The following NXPE4 variants were observed in gnomAD, a reference collection of about 807,000 sequenced individuals.
NXPE4 encodes the protein NXPE family member 4.
Under a neutral mutation model 33.3 loss-of-function variants are expected in NXPE4, and 42 were observed. The ratio of observed to expected loss-of-function variants is 1.26; its 90% CI spans 0.98 to 1.63. The LOEUF is 1.63. NXPE4 is among the 40% of genes most tolerant of loss of function. The pLI is 0.00. For synonymous variants in NXPE4, 253 were observed against 234.9 expected (o/e 1.08, Z -0.71); for missense variants, 709 against 647.6 (o/e 1.09, Z -1.03).
the NXPE4 span, among the ~76,000 whole-genome samples, chr11:114,601,905 AT>A: frequency 2.5e-5 from 1 of 40,332 alleles, no homozygotes; most frequent in Non-Finnish European, 5.0e-5. Flanking sequence ...ATTTATATAT[AT>A]TATATAATTA....
chr11:114,627,712 G>A, the NXPE4 span, among the ~76,000 whole-genome samples: 1 of 152,086 alleles, frequency 6.6e-6, no homozygotes, highest in African/African-American at 2.4e-5. Context: ...CCAATTAAAA[G>A]ACACAGATTG....
At chr11:114,608,976 G>A in the NXPE4 span, among the ~76,000 whole-genome samples, 37 of 151,106 alleles carry the variant, frequency 2.4e-4, 2 homozygotes, top group African/African-American at 7.8e-4. Context: ...GTGTTGCCTC[G>A]TGGGTAACCA....
At chr11:114,626,030 C>G in the NXPE4 span, among the ~76,000 whole-genome samples, 1 of 152,224 alleles carries the variant, frequency 6.6e-6, no homozygotes, top group Non-Finnish European at 1.5e-5. Context: ...GTCCTACGCC[C>G]ACGGAGTCTC....
chr11:114,589,615 T>C (rs1949394263), intron 2 of NXPE4, among the ~76,000 whole-genome samples: 1 of 152,168 alleles, frequency 6.6e-6, no homozygotes, highest in South Asian at 2.1e-4. Flanking sequence ...CTTTTTCTCC[T>C]CTAGTGGAAG....
Position 114,582,553 on chromosome 11 carries a change from A to G in NXPE4, c.565T>C (p.Ser189Pro), listed in dbSNP as rs1272521441. The G allele has an allele frequency of 1.9e-6, 3 of 1,614,060 alleles. No individual in the cohort carries two copies. Among genetic ancestry groups the G allele is most frequent in the Non-Finnish European group, 8.5e-7 (1 of 1,180,016 alleles). ...TGGTTCCTTGCACTCCAGAGAGCTGACACCCCTTCACTGGGGTGGATGAGC... is the reference window on the plus strand; with the variant it reads ...TGGTTCCTTGCACTCCAGAGAGCTGGCACCCCTTCACTGGGGTGGATGAGC... ...LLLIHPSEGV[S>P]ALWSARNQGY... Residue 189 changes from serine to proline, a missense_variant, in exon 3 of 6, where the codon TCA becomes CCA. Physicochemically the swap from Ser to Pro is moderately conservative, Grantham distance 74. Transcript: ENST00000375478.
Position 114,571,358 on chromosome 11 carries a change from T to C in NXPE4, c.1215A>G (p.Ser405=). 4 of 1,614,046 alleles carry C rather than the reference T, an allele frequency of 2.5e-6. No homozygotes were observed. Among genetic ancestry groups the C allele is most frequent in the Non-Finnish European group, 3.4e-6 (4 of 1,179,908 alleles). Residue 405 remains serine, a synonymous_variant, in exon 6 of 6, where the codon TCA becomes TCG. Coordinates refer to ENST00000375478, the MANE Select transcript of NXPE4 (RefSeq NM_001077639.2). ...WQKYCYPLIG[S]MTYSVKEMEY... ...CCATCTCTTTGACTGAATAGGTCAT[T>C]GATCCTATCAAGGGATAACAATATT...
chr11:114,651,755 TAC>T, the NXPE4 span, among the ~76,000 whole-genome samples: 4 of 152,176 alleles, frequency 2.6e-5, no homozygotes, highest in Admixed American at 1.3e-4. Flanking sequence ...GGTGTGTTTT[TAC>T]AGAGTGCTGA....
At chr11:114,636,485 T>A in the NXPE4 span, among the ~76,000 whole-genome samples, 1 of 152,002 alleles carries the variant, frequency 6.6e-6, no homozygotes, top group African/African-American at 2.4e-5. Flanking sequence ...TGATTTTAGT[T>A]ATTTCTTGCC....
chr11:114,628,225 CA>C, the NXPE4 span, among the ~76,000 whole-genome samples: 1 of 143,356 alleles, frequency 7.0e-6, no homozygotes, highest in African/African-American at 2.7e-5. Flanking sequence ...ACATTTTTTT[CA>C]GCAACATACC....
the NXPE4 span, among the ~76,000 whole-genome samples, chr11:114,623,910 T>C: frequency 8.0e-5 from 12 of 150,268 alleles, no homozygotes; most frequent in Admixed American, 6.0e-4. Context: ...AGGGTAATCA[T>C]TGCTACCCAG....
chr11:114,665,491 G>T, the NXPE4 span, among the ~76,000 whole-genome samples: 2 of 152,142 alleles, frequency 1.3e-5, no homozygotes, highest in African/African-American at 4.8e-5. Flanking sequence ...TAAAAAGGAA[G>T]GAGTTTGAAA....
chr11:114,634,696 C>T, the NXPE4 span, among the ~76,000 whole-genome samples: 64,390 of 151,738 alleles, frequency 0.42, 14,999 homozygotes, highest in African/African-American at 0.61. Flanking sequence ...AGTTGGTTTT[C>T]CCAGCACCAT....
the NXPE4 span, among the ~76,000 whole-genome samples, chr11:114,674,638 C>A: frequency 6.6e-6 from 1 of 151,382 alleles, no homozygotes; most frequent in African/African-American, 2.4e-5. Flanking sequence ...AAAGTAACTA[C>A]AAAGCAGTTA....
chr11:114,580,270 A>C lies in NXPE4; in HGVS notation c.961T>G (p.Trp321Gly), dbSNP rs1032680802. Reference sequence around the variant, plus strand: ...GAGACAGGATTCCATGTGTTTCTCCAGACATGCCCACTGGGGATTGTGGAT... The same window carrying C: ...GAGACAGGATTCCATGTGTTTCTCCCGACATGCCCACTGGGGATTGTGGAT... Reference protein sequence around the residue: ...MTSTIPSGHVWRNTWNPVSCS... With the variant: ...MTSTIPSGHVGRNTWNPVSCS... Residue 321 changes from tryptophan (W) to glycine (G), a missense_variant, in exon 5 of 6, where the codon TGG (tryptophan) becomes GGG (glycine). Coordinates refer to ENST00000375478, the MANE Select transcript of NXPE4 (RefSeq NM_001077639.2). The C allele has an allele frequency of 8.1e-6, 13 of 1,614,066 alleles. No individual in the cohort carries two copies. Among genetic ancestry groups the C allele is most frequent in the Non-Finnish European group, 1.1e-5 (13 of 1,179,934 alleles).
chr11:114,633,475 T>G, the NXPE4 span, among the ~76,000 whole-genome samples: 1 of 148,814 alleles, frequency 6.7e-6, no homozygotes, highest in Non-Finnish European at 1.5e-5. Context: ...ATTTTAGTAT[T>G]ATTATACTTC....
chr11:114,655,644 G>A, the NXPE4 span, among the ~76,000 whole-genome samples: 5 of 152,070 alleles, frequency 3.3e-5, no homozygotes, highest in Non-Finnish European at 7.4e-5. Flanking sequence ...TAGATGTGTG[G>A]TATTATTTCT....
At position 114,570,628 on chromosome 11, in the gene NXPE4, A is replaced by ATG. The variant is rs1166006396; in HGVS notation, c.*309_*310insCA. On this transcript the variant is annotated 3_prime_UTR_variant, in exon 6 of 6. Coordinates refer to ENST00000375478, the MANE Select transcript of NXPE4 (RefSeq NM_001077639.2). ...ATTTTTATTTTAAAATTACTTTATC[A>ATG]CTCTGAGTTTTCATGCATCAGAGAG... The ATG allele has an allele frequency of 5.1e-6, 1 of 197,892 alleles. No individual in the cohort carries two copies. The highest frequency in any genetic ancestry group is 1.0e-5 in the Non-Finnish European group (1 of 98,918). The allele number at this position is 197,892 out of a possible 1,614,324, so 12.3% of individuals were successfully genotyped here. A position where few individuals can be genotyped will look rare whatever the true frequency, so the allele number is the denominator to read the frequency against.
the NXPE4 span, among the ~76,000 whole-genome samples, chr11:114,660,515 T>C: frequency 6.6e-6 from 1 of 151,966 alleles, no homozygotes; most frequent in Non-Finnish European, 1.5e-5. Context: ...AGAAAAACCC[T>C]ATGATAATCT....
At chr11:114,621,265 A>C in the NXPE4 span, among the ~76,000 whole-genome samples, 9 of 151,402 alleles carry the variant, frequency 5.9e-5, no homozygotes, top group African/African-American at 2.2e-4. Context: ...GTGTTGCCTC[A>C]TGGGTAACCA....
Sources: allele counts gnomAD v4.1 joint callset (sites outside exome capture counted in the v4.1 genomes callset), GRCh38; gene constraint gnomAD v4.1.1; transcripts MANE v1.5; gene names NCBI Gene and HGNC (gene_info 2026-07-23, HGNC 2026-07-21).